HEXB: variants seen among roughly 807,000 people sequenced by gnomAD.
HEXB encodes hexosaminidase subunit beta.
In HEXB, 51 loss-of-function variants were observed where a neutral mutation model predicts 71.2. The ratio of observed to expected loss-of-function variants is 0.72; its 90% CI spans 0.57 to 0.90. HEXB has a LOEUF of 0.90. Among genes scored for constraint, HEXB ranks in the 40% least tolerant of loss-of-function variants. HEXB has a pLI of 0.00. For missense variants in HEXB, 617 were observed against 677.0 expected (o/e 0.91, Z 0.98); for synonymous variants, 266 against 249.3 (o/e 1.07, Z -0.63).
At chr5:74,648,431 A>G (rs1748040790) in intron 1 of HEXB, among the ~76,000 whole-genome samples, 1 of 152,224 alleles carries the variant, frequency 6.6e-6, no homozygotes. Flanking sequence ...GACAAGAGGA[A>G]AGGTGCAGTC....
At position 74,706,593 on chromosome 5, in the gene HEXB, G is replaced by A. The variant is rs1347443703; in HGVS notation, c.771+1273G>A. 2.0e-5 allele frequency among the ~76,000 whole-genome samples: 3 copies of A among 152,178 alleles called. No individual in the cohort carries two copies. In the East Asian group the frequency reaches 5.8e-4, roughly 29 times the overall value. On this transcript the variant is annotated intron_variant, in intron 6 of 13. Coordinates refer to ENST00000261416, the MANE Select transcript of HEXB (RefSeq NM_000521.4). ...CGGGAAAATCGGGTCACTCCCACCC[G>A]AATACTGTGCTTTTCCGACGGGCTT...
chr5:74,671,436 T>C lies in HEXB; in HGVS notation c.-376-17892T>C, dbSNP rs115236177. On this transcript the variant is annotated intron_variant, in intron 1 of 13. Coordinates refer to the HEXB transcript ENST00000511181. The stretch of plus-strand genomic sequence containing the variant: ...CCAGACAAAAAAAAAAGCCATATGG[T>C]ACATTTGTATACAATTCTAGAAAAT... Among the ~76,000 whole-genome samples, 411 of 150,482 alleles carry C rather than the reference T, an allele frequency of 2.7e-3. 1 individual carries two copies. Among genetic ancestry groups the C allele is most frequent in the Non-Finnish European group, 4.8e-3 (328 of 67,802 alleles).
chr5:74,679,683 C>T (rs1238254344), intron 1 of HEXB, among the ~76,000 whole-genome samples: 1 of 151,116 alleles, frequency 6.6e-6, no homozygotes, highest in Admixed American at 6.6e-5. Flanking sequence ...ACCTGTAATC[C>T]TAGCTATCTG....
At chr5:74,647,933 GTC>G (rs1369355817) in intron 1 of HEXB, among the ~76,000 whole-genome samples, 1 of 152,190 alleles carries the variant, frequency 6.6e-6, no homozygotes, top group Non-Finnish European at 1.5e-5. Flanking sequence ...ATCTTACAGT[GTC>G]TAGGCTTGGC....
Position 74,652,844 on chromosome 5 carries a change from A to G in HEXB, c.-377+12286A>G, listed in dbSNP as rs535051028. 3.9e-5 allele frequency among the ~76,000 whole-genome samples: 6 copies of G among 152,280 alleles called. No individual in the cohort carries two copies. The highest frequency in any genetic ancestry group is 1.2e-4 in the African/African-American group (5 of 41,558). On this transcript the variant is annotated intron_variant, in intron 1 of 13. Coordinates refer to the HEXB transcript ENST00000511181. This position sits in a 1 kb window ranked among gnomAD's most constrained non-coding sequence, Gnocchi z 5.4. ...ACTGCAGTCCCAGGCCCATCCCATA[A>G]GGAGCAAGGGGGAAAAGCCTCCCTC...
At chr5:74,719,093 C>T (rs1749746734) in intron 11 of HEXB, 122 bp downstream of exon 11, 1 of 856,716 alleles carries the variant, frequency 1.2e-6, no homozygotes. Flanking sequence ...GAAGTCTTTA[C>T]CTAGATATTA....
exon 1 of HEXB, chr5:74,640,032 G>C (rs1349124726): frequency 1.3e-5 from 2 of 152,232 alleles, no homozygotes; most frequent in Non-Finnish European, 2.9e-5. Flanking sequence ...TGTATCCTTA[G>C]CTCGGCTCCT....
rs34224491 is a variant in HEXB, at chr5:74,650,925, CAAAAA to C, written c.-377+10384_-377+10388del. On this transcript the variant is annotated intron_variant, in intron 1 of 13. Transcript: ENST00000511181. The stretch of plus-strand genomic sequence containing the variant: ...TGGGCAACAGCGTGAGACTCTGTCT[CAAAAA>C]AAAAAAAAAAAAAAAAGGCAACTGC... Among the ~76,000 whole-genome samples the C allele has an allele frequency of 9.9e-3, 943 of 95,476 alleles. 14 individuals carry two copies. Among genetic ancestry groups the C allele is most frequent in the African/African-American group, 0.033 (837 of 25,104 alleles). 62.6% of individuals were successfully genotyped at this position (95,476 alleles called of 152,430 possible).
At chr5:74,643,161 A>T (rs918142017) in intron 1 of HEXB, among the ~76,000 whole-genome samples, 3 of 152,214 alleles carry the variant, frequency 2.0e-5, no homozygotes, top group African/African-American at 7.2e-5. Context: ...TGCTTGAGCC[A>T]ATCTATGACT....
chr5:74,720,193 C>T (rs1749790754), intron 11 of HEXB: 7 of 550,914 alleles, frequency 1.3e-5, no homozygotes, highest in South Asian at 1.2e-4. Context: ...CTAACACGTG[C>T]TGTGAACCGT....
chr5:74,690,878 T>A (rs1401366863), intron 2 of HEXB, among the ~76,000 whole-genome samples: 1 of 152,058 alleles, frequency 6.6e-6, no homozygotes, highest in South Asian at 2.1e-4. Flanking sequence ...AATAGGAAAA[T>A]TCACCAACAT....
In HEXB at chr5:74,720,644, C is replaced by G; in HGVS notation, c.1510C>G (p.Pro504Ala). Reference sequence around the variant, plus strand: ...GGGGATGTGTGATTTAAATTTTAGGCCTCGGGCAAGTGCTGTTGGTGAGAG... The same window carrying G: ...GGGGATGTGTGATTTAAATTTTAGGGCTCGGGCAAGTGCTGTTGGTGAGAG... ...DATNLTPRLW[P>A]RASAVGERLW... Residue 504 changes from proline to alanine, a missense_variant and splice_region_variant, in exon 13 of 14, where the codon CCT (proline) becomes GCT (alanine). Physicochemically the swap from Pro to Ala is conservative, Grantham distance 27. Coordinates refer to ENST00000261416, the MANE Select transcript of HEXB (RefSeq NM_000521.4). 6.2e-7 allele frequency: 1 copy of G among 1,613,746 alleles called. No individual in the cohort carries two copies. Among genetic ancestry groups the G allele is most frequent in the Non-Finnish European group, 8.5e-7 (1 of 1,179,704 alleles).
chr5:74,661,624 T>A (rs573382134), intron 1 of HEXB, among the ~76,000 whole-genome samples: 1 of 150,248 alleles, frequency 6.7e-6, no homozygotes, highest in Non-Finnish European at 1.5e-5. Flanking sequence ...CTCAAACTCC[T>A]GGCCTCAAGG....
chr5:74,720,568 C>T (rs540226949), intron 12 of HEXB, 50 bp downstream of exon 12: 8 of 1,592,684 alleles, frequency 5.0e-6, no homozygotes, highest in African/African-American at 4.0e-5. Flanking sequence ...CTTAGCTTTC[C>T]TTCTCTGTCT....
chr5:74,644,836 A>G (rs1195145335), intron 1 of HEXB, among the ~76,000 whole-genome samples: 1 of 127,956 alleles, frequency 7.8e-6, no homozygotes, highest in African/African-American at 3.0e-5. Flanking sequence ...CAGTGGCGCA[A>G]TCTCGGCTCA....
chr5:74,662,688 T>G (rs1748349605), intron 1 of HEXB, among the ~76,000 whole-genome samples: 1 of 152,230 alleles, frequency 6.6e-6, no homozygotes, highest in African/African-American at 2.4e-5. Context: ...GTAAGCATTT[T>G]AAGAAACATT....
At chr5:74,686,224 G>C (rs1232334154) in intron 1 of HEXB, among the ~76,000 whole-genome samples, 1 of 152,080 alleles carries the variant, frequency 6.6e-6, no homozygotes, top group African/African-American at 2.4e-5. Context: ...CCTAGATAGC[G>C]CCTCTGTCTC....
intron 1 of HEXB, among the ~76,000 whole-genome samples, chr5:74,642,522 T>G (rs2112060425): frequency 6.6e-6 from 1 of 152,240 alleles, no homozygotes; most frequent in African/African-American, 2.4e-5. Context: ...CTGTAGCCTG[T>G]GGCAAGGTGT....
chr5:74,674,522 T>G (rs916906614), intron 1 of HEXB, among the ~76,000 whole-genome samples: 1 of 148,484 alleles, frequency 6.7e-6, no homozygotes, highest in African/African-American at 2.5e-5. Context: ...GAGAATGGCG[T>G]GAACCCGGGA....
Sources: allele counts gnomAD v4.1 joint callset (sites outside exome capture counted in the v4.1 genomes callset), GRCh38; gene constraint gnomAD v4.1.1; non-coding constraint Gnocchi (gnomAD v3.1); transcripts MANE v1.5; gene names NCBI Gene and HGNC (gene_info 2026-07-23, HGNC 2026-07-21).